Variants in VPS13A observed in about 807,000 individuals in gnomAD.
VPS13A encodes the protein vacuolar protein sorting 13 homolog A.
In VPS13A, 264 loss-of-function variants were observed where a neutral mutation model predicts 390.9. That is an observed-to-expected ratio of 0.68 (90% CI 0.61 to 0.75). VPS13A has a LOEUF of 0.75. VPS13A is among the 30% of genes least tolerant of loss of function. The probability of loss-of-function intolerance (pLI) is 0.00; values close to 1 mark genes in which losing one functional copy is unlikely to be tolerated. For synonymous variants in VPS13A, 1,231 were observed against 1,227.1 expected (o/e 1.00, Z -0.07); for missense variants, 3,409 against 3,733.9 (o/e 0.91, Z 2.27).
At chr9:77,221,015 G>T (rs769811620) in intron 12 of VPS13A, among the ~76,000 whole-genome samples, 170 bp from the exon 13 acceptor site, 6 of 152,050 alleles carry the variant, frequency 3.9e-5, no homozygotes, top group Non-Finnish European at 5.9e-5. Flanking sequence ...GATTAATATT[G>T]AATGGATTAT....
chr9:77,367,579 A>G (rs1053094400), intron 61 of VPS13A, among the ~76,000 whole-genome samples: 5 of 152,226 alleles, frequency 3.3e-5, no homozygotes, highest in Non-Finnish European at 5.9e-5. Flanking sequence ...TATCAGGTAT[A>G]TGCTATGGAT....
At chr9:77,415,065 GAA>G (rs1160399232) in intron 71 of VPS13A, among the ~76,000 whole-genome samples, 1 of 152,182 alleles carries the variant, frequency 6.6e-6, no homozygotes, top group Non-Finnish European at 1.5e-5. Flanking sequence ...AAGTTACAAA[GAA>G]AGAGGAATAA....
In VPS13A at chr9:77,357,126, C is replaced by T. The variant is rs554684569; in HGVS notation, c.7806+259C>T. On this transcript the variant is annotated intron_variant, in intron 55 of 71. Coordinates refer to ENST00000360280, the MANE Select transcript of VPS13A (RefSeq NM_033305.3). Reference sequence around the variant, plus strand: ...CTTGAGGTCAGGAGTTCGAGACCAGCCTGGCCAACATGGCAAACCCTGTCT... The same window carrying T: ...CTTGAGGTCAGGAGTTCGAGACCAGTCTGGCCAACATGGCAAACCCTGTCT... 7.2e-5 allele frequency among the ~76,000 whole-genome samples: 11 copies of T among 151,942 alleles called. 1 individual carries two copies. Among genetic ancestry groups the T allele is most frequent in the African/African-American group, 2.7e-4 (11 of 41,464 alleles).
chr9:77,412,921 G>T (rs1835004551), intron 71 of VPS13A, among the ~76,000 whole-genome samples: 2 of 152,160 alleles, frequency 1.3e-5, no homozygotes, highest in Admixed American at 6.5e-5. Context: ...CAAAATCAAT[G>T]TGCAAAAATC....
intron 52 of VPS13A, among the ~76,000 whole-genome samples, chr9:77,348,686 C>T (rs928770571): frequency 1.3e-4 from 19 of 151,640 alleles, no homozygotes; most frequent in African/African-American, 4.6e-4. Context: ...ATCTATGTAC[C>T]CCAGTTTTTG....
At chr9:77,292,467 G>T (rs765301849) in intron 31 of VPS13A, among the ~76,000 whole-genome samples, 34 of 151,690 alleles carry the variant, frequency 2.2e-4, no homozygotes, top group East Asian at 3.9e-4. Context: ...AGTTTATCGG[G>T]TTTTTTTTCC....
At chr9:77,189,225 A>C (rs1824530485) in intron 1 of VPS13A, among the ~76,000 whole-genome samples, 1 of 141,392 alleles carries the variant, frequency 7.1e-6, no homozygotes, top group Non-Finnish European at 1.5e-5. Flanking sequence ...GTTTTCTTCT[A>C]GGGTTTTTAT....
At chr9:77,287,224 TTCTCTCTCTC>T (rs147295666) in intron 31 of VPS13A, among the ~76,000 whole-genome samples, 1 of 145,090 alleles carries the variant, frequency 6.9e-6, no homozygotes, top group Non-Finnish European at 1.5e-5. Context: ...ATACATAAAA[TTCTCTCTCTC>T]TCTCTCTCTC....
chr9:77,368,983 A>G (rs1197924820), intron 62 of VPS13A, among the ~76,000 whole-genome samples: 1 of 152,104 alleles, frequency 6.6e-6, no homozygotes, highest in Non-Finnish European at 1.5e-5. Flanking sequence ...AAATCACAAA[A>G]ATTAGCCAGG....
At chr9:77,392,483 T>C (rs1833935535) in intron 68 of VPS13A, among the ~76,000 whole-genome samples, 1 of 152,102 alleles carries the variant, frequency 6.6e-6, no homozygotes, top group Non-Finnish European at 1.5e-5. Flanking sequence ...GTTTCCAGGT[T>C]GTAAAAGAGA....
intron 68 of VPS13A, among the ~76,000 whole-genome samples, chr9:77,399,082 G>T (rs532857315): frequency 4.9e-4 from 70 of 142,674 alleles, no homozygotes; most frequent in Non-Finnish European, 9.2e-4. Flanking sequence ...ACACATTAGT[G>T]GGTGCAGCGC....
chr9:77,358,916 C>T lies in VPS13A; in HGVS notation c.8036-417C>T, dbSNP rs1053985219. 4.6e-5 allele frequency among the ~76,000 whole-genome samples: 7 copies of T among 152,100 alleles called. No individual in the cohort carries two copies. In the South Asian group the frequency reaches 1.5e-3, roughly 32 times the overall value. The stretch of plus-strand genomic sequence containing the variant: ...CCTCACTACCCTACTTAACTTTCTT[C>T]TCCCCTTGCTTTCCCACCTCCACCC... On this transcript the variant is annotated intron_variant, in intron 57 of 71. Coordinates refer to ENST00000360280, the MANE Select transcript of VPS13A (RefSeq NM_033305.3).
At chr9:77,195,209 C>T (rs1162759775) in intron 1 of VPS13A, among the ~76,000 whole-genome samples, 8 of 152,072 alleles carry the variant, frequency 5.3e-5, no homozygotes, top group Admixed American at 2.0e-4. Context: ...CTGGAAACTC[C>T]GCTTCCCGGG....
chr9:77,358,011 A>G lies in VPS13A; in HGVS notation c.7953+173A>G, dbSNP rs11145399. ...CCCTCTGTCGCCCAGGCTAGAGTGC[A>G]GTGGCGGAATCTCAGCTCACTGCAA... On this transcript the variant is annotated intron_variant, in intron 56 of 71. Coordinates refer to ENST00000360280, the MANE Select transcript of VPS13A (RefSeq NM_033305.3). Among the ~76,000 whole-genome samples, 229 of 132,818 alleles carry G rather than the reference A, an allele frequency of 1.7e-3. 7 individuals are homozygous for G. In the East Asian group the frequency reaches 0.044, roughly 25 times the overall value. The allele number at this position is 132,818 out of a possible 152,430, so 87.1% of individuals were successfully genotyped here.
At chr9:77,358,017 G>A (rs1025359530) in intron 56 of VPS13A, among the ~76,000 whole-genome samples, 179 bp downstream of exon 56, 3 of 144,082 alleles carry the variant, frequency 2.1e-5, no homozygotes, top group African/African-American at 5.1e-5. Flanking sequence ...GTGCAGTGGC[G>A]GAATCTCAGC....
intron 20 of VPS13A, among the ~76,000 whole-genome samples, chr9:77,249,489 A>G (rs1356714392): frequency 6.6e-6 from 1 of 152,218 alleles, no homozygotes; most frequent in African/African-American, 2.4e-5. Flanking sequence ...CATGAGCTAT[A>G]TAGAGGGAAA....
intron 23 of VPS13A, among the ~76,000 whole-genome samples, chr9:77,267,914 G>A (rs377018373): frequency 2.0e-5 from 3 of 152,350 alleles, no homozygotes; most frequent in South Asian, 4.1e-4. Context: ...GCTTTGCTGA[G>A]CTGCAGTGGG....
chr9:77,396,696 C>G (rs1376676253), intron 68 of VPS13A, among the ~76,000 whole-genome samples: 3 of 152,190 alleles, frequency 2.0e-5, no homozygotes, highest in East Asian at 1.9e-4. Flanking sequence ...TCATAAAACT[C>G]TAAGGAAGTT....
At chr9:77,257,972 T>A (rs1346292810) in intron 22 of VPS13A, among the ~76,000 whole-genome samples, 1 of 152,228 alleles carries the variant, frequency 6.6e-6, no homozygotes, top group African/African-American at 2.4e-5. Flanking sequence ...ACCAAAATTC[T>A]AATAACATTT....
Sources: allele counts gnomAD v4.1 joint callset (sites outside exome capture counted in the v4.1 genomes callset), GRCh38; gene constraint gnomAD v4.1.1; transcripts MANE v1.5; gene names NCBI Gene and HGNC (gene_info 2026-07-23, HGNC 2026-07-21).